The following PPP2R5E variants were observed in gnomAD, a reference collection of about 807,000 sequenced individuals.
The protein encoded by PPP2R5E is serine/threonine-protein phosphatase 2A 56 kDa regulatory subunit epsilon isoform.
Under a neutral mutation model 65.3 loss-of-function variants are expected in PPP2R5E, and 4 were observed. The observed-to-expected ratio is 0.06, with a 90% CI of 0.03 to 0.14. The LOEUF is 0.14. Ranked by LOEUF, PPP2R5E falls within the 10% of genes least tolerant of loss-of-function variation. PPP2R5E has a pLI of 1.00. For synonymous variants in PPP2R5E, 183 were observed against 187.4 expected (o/e 0.98, Z 0.19); for missense variants, 274 against 556.1 (o/e 0.49, Z 5.10).
intron 2 of PPP2R5E, among the ~76,000 whole-genome samples, chr14:63,483,328 G>T (rs1293070123): frequency 6.6e-6 from 1 of 152,108 alleles, no homozygotes; most frequent in Non-Finnish European, 1.5e-5. Context: ...AGTGTGGTAA[G>T]TACTATAGGA....
At chr14:63,399,569 A>G (rs1286311298) in intron 5 of PPP2R5E, among the ~76,000 whole-genome samples, 4 of 151,734 alleles carry the variant, frequency 2.6e-5, no homozygotes, top group Non-Finnish European at 5.9e-5. Context: ...TGATGGTTGC[A>G]TGACTCTGTA....
intron 2 of PPP2R5E, among the ~76,000 whole-genome samples, chr14:63,538,628 T>A (rs10141895): frequency 0.4 from 60,687 of 151,322 alleles, 15,066 homozygotes; most frequent in African/African-American, 0.72. Flanking sequence ...AAAGAAAATT[T>A]AAAAAACCAA....
chr14:63,464,789 G>A (rs1296344685), intron 2 of PPP2R5E, among the ~76,000 whole-genome samples: 1 of 152,096 alleles, frequency 6.6e-6, no homozygotes, highest in Non-Finnish European at 1.5e-5. Flanking sequence ...CGGGGAGGCC[G>A]AGGTGAGCGG....
At chr14:63,530,228 T>G (rs932498091) in intron 2 of PPP2R5E, among the ~76,000 whole-genome samples, 4 of 102,098 alleles carry the variant, frequency 3.9e-5, no homozygotes, top group Non-Finnish European at 8.2e-5. Flanking sequence ...ATTTTTCCGT[T>G]TTTTTTTTTT....
intron 3 of PPP2R5E, among the ~76,000 whole-genome samples, chr14:63,439,702 G>A (rs895194316): frequency 6.6e-6 from 1 of 152,160 alleles, no homozygotes; most frequent in Non-Finnish European, 1.5e-5. Flanking sequence ...CTATGCCACT[G>A]ACCCAGGAAG....
At chr14:63,391,008 G>T (rs755567919) in intron 10 of PPP2R5E, among the ~76,000 whole-genome samples, 35 of 152,188 alleles carry the variant, frequency 2.3e-4, no homozygotes, top group Non-Finnish European at 4.6e-4. Context: ...GAAACTAAAG[G>T]TCTGTTGTCT....
At position 63,416,014 on chromosome 14, in the gene PPP2R5E, G is replaced by A. The variant is rs546539287; in HGVS notation, c.457-782C>T. On this transcript the variant is annotated intron_variant, in intron 4 of 13. Coordinates refer to ENST00000337537, the MANE Select transcript of PPP2R5E (RefSeq NM_006246.5). ...TTTCTACTCATCGGATCATAAGATGGTGTGGCACAATATACCCATCTGCAA... is the reference window on the plus strand; with the variant it reads ...TTTCTACTCATCGGATCATAAGATGATGTGGCACAATATACCCATCTGCAA... Among the ~76,000 whole-genome samples, 25 of 152,282 alleles carry A rather than the reference G, an allele frequency of 1.6e-4. No homozygotes were observed. In the South Asian group the frequency reaches 3.9e-3, roughly 24 times the overall value.
chr14:63,403,469 A>C (rs2139824801), intron 5 of PPP2R5E, among the ~76,000 whole-genome samples: 1 of 151,962 alleles, frequency 6.6e-6, no homozygotes, highest in East Asian at 1.9e-4. Context: ...CATCCCATTC[A>C]TGCTTTCTTA....
intron 2 of PPP2R5E, among the ~76,000 whole-genome samples, chr14:63,511,935 C>T (rs976718436): frequency 6.6e-6 from 1 of 151,872 alleles, no homozygotes; most frequent in African/African-American, 2.4e-5. Context: ...AAAAATTAGC[C>T]GGGCGTGGTG....
At chr14:63,467,487 A>C (rs1889895743) in intron 2 of PPP2R5E, among the ~76,000 whole-genome samples, 1 of 152,170 alleles carries the variant, frequency 6.6e-6, no homozygotes, top group Non-Finnish European at 1.5e-5. Context: ...ATTGTACTGA[A>C]AATGACTTTC....
At chr14:63,454,330 C>T (rs1413719502) in intron 2 of PPP2R5E, among the ~76,000 whole-genome samples, 1 of 152,132 alleles carries the variant, frequency 6.6e-6, no homozygotes, top group Non-Finnish European at 1.5e-5. Context: ...TGCTGACATC[C>T]TTGGTATTTA....
intron 4 of PPP2R5E, among the ~76,000 whole-genome samples, chr14:63,419,471 T>C (rs936605751): frequency 6.6e-6 from 1 of 152,158 alleles, no homozygotes; most frequent in Non-Finnish European, 1.5e-5. Flanking sequence ...GAATGACCTA[T>C]CATGAAAAGA....
intron 5 of PPP2R5E, among the ~76,000 whole-genome samples, chr14:63,401,675 G>C (rs1007597274): frequency 4.6e-5 from 7 of 152,150 alleles, no homozygotes; most frequent in African/African-American, 1.7e-4. Context: ...AAATGACAGT[G>C]AAAGAATAAG....
chr14:63,539,139 G>T (rs1893787706), intron 2 of PPP2R5E, among the ~76,000 whole-genome samples: 1 of 152,010 alleles, frequency 6.6e-6, no homozygotes, highest in South Asian at 2.1e-4. Flanking sequence ...GTAAATTAAT[G>T]AATGGTACCA....
At chr14:63,516,529 C>A (rs891875523) in intron 2 of PPP2R5E, among the ~76,000 whole-genome samples, 3 of 152,252 alleles carry the variant, frequency 2.0e-5, no homozygotes, top group Admixed American at 2.0e-4. Context: ...CTAGCAACTT[C>A]TTTGGATCTT....
At chr14:63,526,913 T>C (rs1166159784) in intron 2 of PPP2R5E, among the ~76,000 whole-genome samples, 1 of 152,214 alleles carries the variant, frequency 6.6e-6, no homozygotes, top group Non-Finnish European at 1.5e-5. Context: ...CTCACGCCTG[T>C]AATCCCAGCA....
chr14:63,480,099 A>G (rs1010770524), intron 2 of PPP2R5E, among the ~76,000 whole-genome samples: 1 of 152,228 alleles, frequency 6.6e-6, no homozygotes, highest in African/African-American at 2.4e-5. Flanking sequence ...ACCTTTTACC[A>G]ATCTTACTCC....
chr14:63,488,235 T>C (rs1891095636), intron 2 of PPP2R5E, among the ~76,000 whole-genome samples: 2 of 152,050 alleles, frequency 1.3e-5, no homozygotes, highest in African/African-American at 2.4e-5. Flanking sequence ...CCTTGCTCTG[T>C]TGCCCAGGGT....
chr14:63,488,559 C>T (rs1891116320), intron 2 of PPP2R5E, among the ~76,000 whole-genome samples: 1 of 151,792 alleles, frequency 6.6e-6, no homozygotes. Flanking sequence ...AAAAAATTCC[C>T]AAAAAAGGGC....
Sources: gnomAD v4.1 joint callset for allele counts (sites outside exome capture counted in the v4.1 genomes callset) on GRCh38, gnomAD v4.1.1 for gene constraint, MANE v1.5 for transcripts, NCBI Gene and HGNC (gene_info 2026-07-23, HGNC 2026-07-21) for gene names.